Variants in GSTA2 observed in about 807,000 individuals in gnomAD.
GSTA2 encodes glutathione S-transferase alpha 2.
In GSTA2, 27 loss-of-function variants were observed where a neutral mutation model predicts 22.4. That is an observed-to-expected ratio of 1.21 (90% confidence interval 0.89 to 1.67). The LOEUF is 1.67. Among genes scored for constraint, GSTA2 ranks in the 40% most tolerant of loss-of-function variants. The probability of loss-of-function intolerance (pLI) is 0.00; values close to 1 mark genes in which losing one functional copy is unlikely to be tolerated. For missense variants in GSTA2, 302 were observed against 260.2 expected (o/e 1.16, Z -1.11); for synonymous variants, 121 against 86.8 (o/e 1.39, Z -2.19).
At chr6:52,763,207 C>T (rs1357287338) in intron 1 of GSTA2, among the ~76,000 whole-genome samples, 2 of 152,078 alleles carry the variant, frequency 1.3e-5, no homozygotes, top group South Asian at 4.1e-4. Context: ...TTTCCCATAC[C>T]TTTAAATGCT....
chr6:52,755,841 A>C (rs1043541524), intron 3 of GSTA2, among the ~76,000 whole-genome samples: 1 of 151,824 alleles, frequency 6.6e-6, no homozygotes, highest in Non-Finnish European at 1.5e-5. Context: ...CTACAGTGTT[A>C]CCCAGTCCCA....
At chr6:52,753,904 G>A (rs1054973444) in intron 4 of GSTA2, among the ~76,000 whole-genome samples, 2 of 152,120 alleles carry the variant, frequency 1.3e-5, no homozygotes, top group Non-Finnish European at 2.9e-5. Flanking sequence ...TTAGCCCCAG[G>A]CAATCACTAA....
chr6:52,750,560 C>A lies in GSTA2; in HGVS notation c.*17G>T. 2 of 1,613,208 alleles carry A rather than the reference C, an allele frequency of 1.2e-6. No homozygotes were observed. The highest frequency in any genetic ancestry group is 2.2e-5 in the South Asian group (2 of 91,026). ...GAATACTGGTCTTGCATGTTCTTGACCTCTATGGCTGGTTTATTAAAACCT... is the reference window on the plus strand; with the variant it reads ...GAATACTGGTCTTGCATGTTCTTGAACTCTATGGCTGGTTTATTAAAACCT... On this transcript the variant is annotated 3_prime_UTR_variant, in exon 7 of 7. Coordinates refer to ENST00000493422, the MANE Select transcript of GSTA2 (RefSeq NM_000846.5).
rs2266631 is a variant in GSTA2 at position 52,751,677 on chromosome 6, A to C, written c.446T>G (p.Val149Gly). ...GTCAGCCCGGCTCAGCTTGTTGCCA[A>C]CAAGGTAGTCTTGTCCGTGGCTCTT... ...VLKSHGQDYL[V>G]GNKLSRADIH... Residue 149 changes from valine to glycine, a missense_variant, in exon 6 of 7, where the codon GTT becomes GGT. Val to Gly is a moderately radical substitution (Grantham distance 109). Coordinates refer to ENST00000493422, the MANE Select transcript of GSTA2 (RefSeq NM_000846.5). 6.2e-7 allele frequency: 1 copy of C among 1,614,030 alleles called. No individual in the cohort carries two copies. Among genetic ancestry groups the C allele is most frequent in the African/African-American group, 1.3e-5 (1 of 74,938 alleles).
chr6:52,761,353 T>C (rs1308615753), intron 1 of GSTA2, among the ~76,000 whole-genome samples: 2 of 152,192 alleles, frequency 1.3e-5, no homozygotes, highest in African/African-American at 4.8e-5. Flanking sequence ...TGTCTACCCA[T>C]CCATGTATGT....
At chr6:52,752,020 T>A (rs767937730) in intron 5 of GSTA2, among the ~76,000 whole-genome samples, 2 of 152,216 alleles carry the variant, frequency 1.3e-5, no homozygotes, top group Non-Finnish European at 2.9e-5. Context: ...ATGTTCTGTC[T>A]GCCCCAGGCC....
At chr6:52,759,684 A>C (rs1390599066) in intron 1 of GSTA2, among the ~76,000 whole-genome samples, 1 of 136,124 alleles carries the variant, frequency 7.3e-6, no homozygotes. Context: ...TCCCAGGTTC[A>C]AGTGATTCTC....
chr6:52,761,712 A>T (rs1259985700), intron 1 of GSTA2, among the ~76,000 whole-genome samples: 3 of 150,550 alleles, frequency 2.0e-5, no homozygotes, highest in Non-Finnish European at 4.4e-5. Flanking sequence ...GTTCTCAACC[A>T]GGGGGATTTT....
chr6:52,754,916 G>A (rs1262934006), intron 4 of GSTA2, 27 bp downstream of exon 4: 5 of 1,612,012 alleles, frequency 3.1e-6, no homozygotes, highest in Non-Finnish European at 4.2e-6. Flanking sequence ...GTTCTCTGTG[G>A]ATGGAAGAAC....
chr6:52,762,444 T>C (rs1165496157), intron 1 of GSTA2, among the ~76,000 whole-genome samples: 1 of 152,214 alleles, frequency 6.6e-6, no homozygotes, highest in Non-Finnish European at 1.5e-5. Flanking sequence ...GCAATACTGC[T>C]CTTTAATGCA....
intron 1 of GSTA2, among the ~76,000 whole-genome samples, chr6:52,761,516 A>G (rs182291891): frequency 4.4e-4 from 67 of 151,094 alleles, no homozygotes; most frequent in African/African-American, 1.6e-3. Flanking sequence ...CCAGACTTAT[A>G]TCAAATCTGT....
chr6:52,760,621 T>C (rs1762935681), intron 1 of GSTA2, among the ~76,000 whole-genome samples: 1 of 152,218 alleles, frequency 6.6e-6, no homozygotes, highest in South Asian at 2.1e-4. Flanking sequence ...AACTTCTGAT[T>C]GCAGGTCCGG....
intron 4 of GSTA2, among the ~76,000 whole-genome samples, chr6:52,753,435 T>C (rs1435513975): frequency 6.6e-6 from 1 of 152,202 alleles, no homozygotes; most frequent in Non-Finnish European, 1.5e-5. Flanking sequence ...AGAGAGTCCC[T>C]GGCACAGCCA....
In GSTA2 at chr6:52,756,263, C is replaced by T. The variant is rs1762842525; in HGVS notation, c.134G>A (p.Arg45Lys). ...AACTTAGAGGTTGATCTTACCATTT[C>T]TTAACTTGTCCAAATCTTCTGCAGA... ...IKSAEDLDKL[R>K]NDGYLMFQQV... The change falls in exon 3 of 7, where the codon AGA (arginine) becomes AAA (lysine). Residue 45 changes from arginine (R) to lysine (K), a missense_variant. By Grantham distance (26) the Arg-to-Lys change is conservative. Coordinates refer to ENST00000493422, the MANE Select transcript of GSTA2 (RefSeq NM_000846.5). The T allele has an allele frequency of 6.2e-7, 1 of 1,603,058 alleles. No homozygotes were observed. The highest frequency in any genetic ancestry group is 8.5e-7 in the Non-Finnish European group (1 of 1,170,486).
intron 4 of GSTA2, among the ~76,000 whole-genome samples, chr6:52,753,975 AT>A (rs1275051678): frequency 6.6e-6 from 1 of 152,202 alleles, no homozygotes; most frequent in African/African-American, 2.4e-5. Context: ...TAATCCTATA[AT>A]ATGTGGCCTT....
intron 6 of GSTA2, 101 bp from the exon 7 acceptor site, chr6:52,750,800 A>G (rs1258007637): frequency 6.9e-7 from 1 of 1,457,954 alleles, no homozygotes; most frequent in Admixed American, 2.1e-5. Flanking sequence ...CCAAAGACCA[A>G]GTGAGTCGCT....
At chr6:52,754,494 T>C (rs1581773083) in intron 4 of GSTA2, among the ~76,000 whole-genome samples, 1 of 152,220 alleles carries the variant, frequency 6.6e-6, no homozygotes, top group African/African-American at 2.4e-5. Flanking sequence ...GTTGGTAATT[T>C]AGGTTCCTGT....
chr6:52,759,725 C>G (rs1276274853), intron 1 of GSTA2, among the ~76,000 whole-genome samples: 2 of 151,650 alleles, frequency 1.3e-5, no homozygotes, highest in African/African-American at 2.4e-5. Flanking sequence ...GCTGGGATTA[C>G]AGGCACATGC....
rs1561896606 is a variant in GSTA2 at position 52,757,990 on chromosome 6, A to T, written c.-30-13T>A. 3 of 1,270,112 alleles carry T rather than the reference A, an allele frequency of 2.4e-6. No homozygotes were observed. The highest frequency in any genetic ancestry group is 3.4e-6 in the Non-Finnish European group (3 of 873,728). 78.7% of individuals were successfully genotyped at this position (1,270,112 alleles called of 1,614,324 possible). On this transcript the variant is annotated splice_polypyrimidine_tract_variant and intron_variant, in intron 1 of 6. Transcript: ENST00000493422. ...GGTTTCTCTAAGCCTGAGTGAATGA[A>T]TGAATGAATGAATGAATAATTGAAA...
Sources: gnomAD v4.1 joint callset for allele counts (sites outside exome capture counted in the v4.1 genomes callset) on GRCh38, gnomAD v4.1.1 for gene constraint, MANE v1.5 for transcripts, NCBI Gene and HGNC (gene_info 2026-07-23, HGNC 2026-07-21) for gene names.